Variants in ST6GALNAC5 observed in about 807,000 individuals in gnomAD.
The protein encoded by ST6GALNAC5 is ST6 N-acetylgalactosaminide alpha-2,6-sialyltransferase 5.
Under a neutral mutation model 33.6 loss-of-function variants are expected in ST6GALNAC5, and 27 were observed. The observed-to-expected ratio is 0.80, with a 90% CI of 0.59 to 1.11. ST6GALNAC5 has a LOEUF of 1.11. Among genes scored for constraint, ST6GALNAC5 ranks in the 50% least tolerant of loss-of-function variants. The pLI, the probability that ST6GALNAC5 is intolerant of heterozygous loss-of-function variation, is 0.00. For missense variants in ST6GALNAC5, 428 were observed against 454.0 expected, an observed-to-expected ratio of 0.94 and a Z score of 0.52; for synonymous variants, 194 against 171.2, an observed-to-expected ratio of 1.13 and a Z score of -1.04.
chr1:77,050,483 C>T, intron 4 of ST6GALNAC5, 118 bp downstream of exon 4: 1 of 868,624 alleles, frequency 1.2e-6, no homozygotes, highest in Non-Finnish European at 1.8e-6. Flanking sequence ...AATTAATTAG[C>T]ATGTCCCAAG....
chr1:76,975,233 C>G (rs910278360), intron 2 of ST6GALNAC5, among the ~76,000 whole-genome samples: 1 of 151,942 alleles, frequency 6.6e-6, no homozygotes, highest in Admixed American at 6.6e-5. Context: ...ATACATTATC[C>G]CATAGTTAAG....
chr1:77,009,087 G>A (rs1394115081), intron 2 of ST6GALNAC5, among the ~76,000 whole-genome samples: 1 of 152,184 alleles, frequency 6.6e-6, no homozygotes, highest in Non-Finnish European at 1.5e-5. Flanking sequence ...CATAGAAGCA[G>A]CCCATCCACC....
intron 4 of ST6GALNAC5, among the ~76,000 whole-genome samples, chr1:77,051,573 T>C (rs1268564826): frequency 6.6e-6 from 1 of 152,152 alleles, no homozygotes; most frequent in African/African-American, 2.4e-5. Context: ...CAAAGGGCTG[T>C]AGGCAGAGTA....
At chr1:76,978,474 A>G (rs1649115881) in intron 2 of ST6GALNAC5, among the ~76,000 whole-genome samples, 1 of 152,232 alleles carries the variant, frequency 6.6e-6, no homozygotes, top group South Asian at 2.1e-4. Flanking sequence ...GGTTCAATAT[A>G]TGGAAGTTAG....
chr1:76,884,990 C>A (rs1229513754), intron 2 of ST6GALNAC5, among the ~76,000 whole-genome samples: 1 of 152,090 alleles, frequency 6.6e-6, no homozygotes, highest in African/African-American at 2.4e-5. Flanking sequence ...ACTGACTGGT[C>A]TGACAAGTAA....
intron 2 of ST6GALNAC5, among the ~76,000 whole-genome samples, chr1:77,015,187 T>C (rs1366065541): frequency 6.6e-6 from 1 of 152,026 alleles, no homozygotes; most frequent in Non-Finnish European, 1.5e-5. Context: ...GCCAGTAGGG[T>C]AAATCAGTCC....
chr1:76,900,219 C>G (rs970110372), intron 2 of ST6GALNAC5, among the ~76,000 whole-genome samples: 16 of 151,832 alleles, frequency 1.1e-4, no homozygotes, highest in Admixed American at 3.9e-4. Flanking sequence ...CCAGGATGAG[C>G]CAGGAGAAGG....
chr1:76,885,178 A>C (rs1653865415), intron 2 of ST6GALNAC5, among the ~76,000 whole-genome samples: 1 of 152,194 alleles, frequency 6.6e-6, no homozygotes, highest in Non-Finnish European at 1.5e-5. Context: ...CATATTTAAG[A>C]GTATGGAATG....
chr1:76,945,720 C>A (rs1042055424), intron 2 of ST6GALNAC5, among the ~76,000 whole-genome samples: 1 of 151,984 alleles, frequency 6.6e-6, no homozygotes, highest in Non-Finnish European at 1.5e-5. Context: ...AGCAAGTTTC[C>A]CTCCGGTTCT....
intron 2 of ST6GALNAC5, among the ~76,000 whole-genome samples, chr1:76,907,258 ATGGTG>A (rs1436383696): frequency 6.6e-6 from 1 of 151,972 alleles, no homozygotes; most frequent in Non-Finnish European, 1.5e-5. Flanking sequence ...ACTCCTCAAC[ATGGTG>A]TGTAAGATTC....
chr1:76,884,056 G>C (rs946121030), intron 2 of ST6GALNAC5, among the ~76,000 whole-genome samples: 8 of 152,184 alleles, frequency 5.3e-5, no homozygotes, highest in Non-Finnish European at 1.0e-4. Context: ...TGTGGCATGG[G>C]TTAAAGTAGC....
chr1:76,989,177 A>G (rs945589085), intron 2 of ST6GALNAC5, among the ~76,000 whole-genome samples: 1 of 152,004 alleles, frequency 6.6e-6, no homozygotes, highest in African/African-American at 2.4e-5. Flanking sequence ...TATTTCTTCT[A>G]TTCTATCACA....
intron 2 of ST6GALNAC5, among the ~76,000 whole-genome samples, chr1:77,008,690 C>T (rs955228795): frequency 3.9e-5 from 6 of 152,084 alleles, no homozygotes; most frequent in African/African-American, 9.7e-5. Flanking sequence ...CCACCACACC[C>T]GGTTAATTTT....
chr1:76,910,778 G>C (rs1446208266), intron 2 of ST6GALNAC5, among the ~76,000 whole-genome samples: 1 of 151,850 alleles, frequency 6.6e-6, no homozygotes, highest in African/African-American at 2.4e-5. Context: ...CAAAGACACA[G>C]ACAGTGGAAA....
chr1:76,982,847 G>A, intron 2 of ST6GALNAC5, among the ~76,000 whole-genome samples: 1 of 151,022 alleles, frequency 6.6e-6, no homozygotes, highest in Non-Finnish European at 1.5e-5. Context: ...AAGAGAGTGG[G>A]GGCCAATATT....
intron 4 of ST6GALNAC5, among the ~76,000 whole-genome samples, chr1:77,058,874 G>C (rs1652484427): frequency 6.6e-6 from 1 of 152,120 alleles, no homozygotes. Flanking sequence ...CTATCAAATG[G>C]GAGCTGCAAT....
At chr1:76,960,696 G>A (rs1648198557) in intron 2 of ST6GALNAC5, among the ~76,000 whole-genome samples, 1 of 152,134 alleles carries the variant, frequency 6.6e-6, no homozygotes, top group Non-Finnish European at 1.5e-5. Context: ...CTTTCTCAGG[G>A]ATGTTCCTTG....
At chr1:77,008,828 C>T (rs887965734) in intron 2 of ST6GALNAC5, among the ~76,000 whole-genome samples, 1 of 152,176 alleles carries the variant, frequency 6.6e-6, no homozygotes, top group African/African-American at 2.4e-5. Context: ...CCATCCCTGG[C>T]CTAAAGGCTG....
intron 2 of ST6GALNAC5, among the ~76,000 whole-genome samples, chr1:76,927,041 A>G (rs1302473397): frequency 1.3e-5 from 2 of 152,062 alleles, no homozygotes; most frequent in Admixed American, 6.6e-5. Context: ...TTTACTTTAT[A>G]TTATAAATAT....
Sources: gnomAD v4.1 joint callset for allele counts (sites outside exome capture counted in the v4.1 genomes callset) on GRCh38, gnomAD v4.1.1 for gene constraint, MANE v1.5 for transcripts, NCBI Gene and HGNC (gene_info 2026-07-23, HGNC 2026-07-21) for gene names.